Variants in LPAR1 observed in about 807,000 individuals in gnomAD.
LPAR1 encodes the protein LPA receptor 1.
Under a neutral mutation model 23.8 loss-of-function variants are expected in LPAR1, and 5 were observed. The observed-to-expected ratio is 0.21, with a 90% CI of 0.11 to 0.44. The LOEUF (loss-of-function observed/expected upper bound fraction) is 0.44, where lower values mean the gene tolerates loss of function less well. Among genes scored for constraint, LPAR1 ranks in the 20% least tolerant of loss-of-function variants. The probability of loss-of-function intolerance (pLI) is 0.99; values close to 1 mark genes in which losing one functional copy is unlikely to be tolerated. For synonymous variants in LPAR1, 160 were observed against 164.7 expected (o/e 0.97, Z 0.22); for missense variants, 311 against 482.8 (o/e 0.64, Z 3.33).
intron 5 of LPAR1, among the ~76,000 whole-genome samples, chr9:110,920,955 T>TCAA (rs993291048): frequency 6.6e-6 from 1 of 150,516 alleles, no homozygotes; most frequent in Non-Finnish European, 1.5e-5. Flanking sequence ...AGACCCCATC[T>TCAA]CAACAACAAC....
intron 2 of LPAR1, among the ~76,000 whole-genome samples, chr9:111,020,338 G>C (rs2097539050): frequency 6.6e-6 from 1 of 152,178 alleles, no homozygotes; most frequent in South Asian, 2.1e-4. Flanking sequence ...ATGAGAATTT[G>C]TGATTTCAAA....
At chr9:111,018,829 A>C (rs1007464685) in intron 2 of LPAR1, among the ~76,000 whole-genome samples, 1 of 152,238 alleles carries the variant, frequency 6.6e-6, no homozygotes, top group Non-Finnish European at 1.5e-5. Context: ...TGTTGAGTAC[A>C]ATACTTTTTA....
intron 4 of LPAR1, among the ~76,000 whole-genome samples, chr9:110,953,153 C>T (rs1247969204): frequency 6.6e-6 from 1 of 152,186 alleles, no homozygotes; most frequent in East Asian, 1.9e-4. Context: ...GACCTAAGGA[C>T]CTACCCACAT....
chr9:110,959,601 G>C lies in LPAR1; in HGVS notation c.45+12472C>G, dbSNP rs1588544451. On this transcript the variant is annotated intron_variant, in intron 4 of 5. Transcript: ENST00000683809. Reference sequence around the variant, plus strand: ...ACACTGCACTCCAGCCTGGGTGACAGAGTGAGAACCTGTCTCAAAAAACAA... The same window carrying C: ...ACACTGCACTCCAGCCTGGGTGACACAGTGAGAACCTGTCTCAAAAAACAA... 3.9e-5 allele frequency among the ~76,000 whole-genome samples: 6 copies of C among 152,200 alleles called. No homozygotes were observed. In the Middle Eastern group the frequency reaches 0.014, roughly 345 times the overall value.
At position 110,997,563 on chromosome 9, in the gene LPAR1, T is replaced by C. The variant is rs145272920; in HGVS notation, c.-181-24005A>G. Reference sequence around the variant, plus strand: ...AAGATAAAAATAAATGGTTCTTGGATGGTATAGCACCCATGAAACTTAAAC... The same window carrying C: ...AAGATAAAAATAAATGGTTCTTGGACGGTATAGCACCCATGAAACTTAAAC... On this transcript the variant is annotated intron_variant, in intron 2 of 5. Coordinates refer to ENST00000683809, the MANE Select transcript of LPAR1 (RefSeq NM_001351411.2). 4.2e-4 allele frequency among the ~76,000 whole-genome samples: 64 copies of C among 152,322 alleles called. 1 individual carries two copies. In the East Asian group the frequency reaches 0.011, roughly 27 times the overall value.
At chr9:110,902,227 G>A (rs1394185532) in intron 5 of LPAR1, among the ~76,000 whole-genome samples, 2 of 152,110 alleles carry the variant, frequency 1.3e-5, no homozygotes, top group East Asian at 3.9e-4. Flanking sequence ...AGGCTGGCCA[G>A]CGGTACTAGC....
At position 110,893,496 on chromosome 9, in the gene LPAR1, A is replaced by T. The variant is rs187183584; in HGVS notation, c.794-17774T>A. Among the ~76,000 whole-genome samples the T allele has an allele frequency of 3.3e-5, 5 of 152,330 alleles. No individual in the cohort carries two copies. The East Asian group carries it at 9.6e-4, about 29-fold the overall frequency. ...ACAACAGGTCACTTATAAAATTGCT[A>T]TAGGTACTTATATGTATATATACCC... On this transcript the variant is annotated intron_variant, in intron 5 of 5. Coordinates refer to ENST00000683809, the MANE Select transcript of LPAR1 (RefSeq NM_001351411.2).
intron 2 of LPAR1, among the ~76,000 whole-genome samples, chr9:110,991,737 T>C (rs1364246349): frequency 1.3e-5 from 2 of 152,116 alleles, no homozygotes; most frequent in Non-Finnish European, 2.9e-5. Context: ...GCCTCCCAAG[T>C]AGCTGGGATT....
chr9:110,921,152 C>A (rs1274315738), intron 5 of LPAR1, among the ~76,000 whole-genome samples: 1 of 151,702 alleles, frequency 6.6e-6, no homozygotes, highest in Non-Finnish European at 1.5e-5. Flanking sequence ...AAACAAAAAA[C>A]AAAACAAAAC....
chr9:110,997,344 C>T (rs571062960), intron 2 of LPAR1, among the ~76,000 whole-genome samples: 41 of 152,272 alleles, frequency 2.7e-4, no homozygotes, highest in African/African-American at 9.9e-4. Flanking sequence ...TATTTCAAAA[C>T]TGAGTGCAAA....
intron 5 of LPAR1, among the ~76,000 whole-genome samples, chr9:110,917,183 C>CA (rs72090804): frequency 0.45 from 54,828 of 122,684 alleles, 11,406 homozygotes; most frequent in East Asian, 0.8. Context: ...ACTAAAAATA[C>CA]AAAAAAAAAA....
At chr9:110,902,157 T>C (rs1441737814) in intron 5 of LPAR1, among the ~76,000 whole-genome samples, 3 of 151,990 alleles carry the variant, frequency 2.0e-5, no homozygotes, top group Admixed American at 6.6e-5. Context: ...CTCAATCTCG[T>C]AGCCAGCCCA....
At chr9:110,894,388 C>T (rs1039371869) in intron 5 of LPAR1, among the ~76,000 whole-genome samples, 6 of 152,192 alleles carry the variant, frequency 3.9e-5, no homozygotes, top group Non-Finnish European at 8.8e-5. Context: ...AGGATATGAT[C>T]TACTTTCAGC....
chr9:110,878,765 C>T (rs953750962), intron 5 of LPAR1, among the ~76,000 whole-genome samples: 3 of 152,128 alleles, frequency 2.0e-5, no homozygotes, highest in Non-Finnish European at 2.9e-5. Context: ...GGCACGCTGG[C>T]GTTGCAGAGC....
intron 2 of LPAR1, among the ~76,000 whole-genome samples, chr9:110,991,758 G>A (rs2096899549): frequency 6.6e-6 from 1 of 151,994 alleles, no homozygotes; most frequent in Admixed American, 6.6e-5. Context: ...ACAGGTATGT[G>A]CCATTTGTAT....
intron 5 of LPAR1, among the ~76,000 whole-genome samples, chr9:110,921,838 G>C (rs1410063654): frequency 6.6e-6 from 1 of 152,220 alleles, no homozygotes; most frequent in Non-Finnish European, 1.5e-5. Flanking sequence ...TGAAAGGCAT[G>C]CCATTAGGGC....
At chr9:111,008,638 G>A (rs1302584604) in intron 2 of LPAR1, among the ~76,000 whole-genome samples, 18 of 152,148 alleles carry the variant, frequency 1.2e-4, no homozygotes, top group Admixed American at 1.1e-3. Context: ...CACACAGGGA[G>A]AGGGTCAGAA....
intron 5 of LPAR1, among the ~76,000 whole-genome samples, chr9:110,919,097 G>A (rs1260155853): frequency 6.6e-5 from 10 of 152,150 alleles, no homozygotes; most frequent in Non-Finnish European, 1.5e-4. Context: ...TTTTGCATAT[G>A]TAATTAAATT....
intron 5 of LPAR1, among the ~76,000 whole-genome samples, chr9:110,905,717 T>C (rs991953536): frequency 3.3e-5 from 5 of 152,152 alleles, no homozygotes; most frequent in Non-Finnish European, 7.3e-5. Flanking sequence ...GTTAAAGGGC[T>C]TGCATTTTCT....
Sources: allele counts gnomAD v4.1 joint callset (sites outside exome capture counted in the v4.1 genomes callset), GRCh38; gene constraint gnomAD v4.1.1; transcripts MANE v1.5; gene names NCBI Gene and HGNC (gene_info 2026-07-23, HGNC 2026-07-21).